The following NEBL variants were observed in gnomAD, a reference collection of about 807,000 sequenced individuals.
NEBL encodes nebulette, also known as LIM and SH3 protein 2.
A neutral mutation model predicts 140.2 loss-of-function variants in NEBL; 122 were observed. That is an observed-to-expected ratio of 0.87 (90% CI 0.75 to 1.01). NEBL has a LOEUF of 1.01. Ranked by LOEUF, NEBL falls within the 50% of genes least tolerant of loss-of-function variation. The pLI is 0.00. For missense variants in NEBL, 1,365 were observed against 1,231.3 expected (o/e 1.11, Z -1.62); for synonymous variants, 436 against 398.9 (o/e 1.09, Z -1.11).
chr10:20,894,513 G>T (rs996890906), intron 2 of NEBL, among the ~76,000 whole-genome samples: 1 of 150,718 alleles, frequency 6.6e-6, no homozygotes, highest in Non-Finnish European at 1.5e-5. Context: ...AAAAAAGGAA[G>T]AAAGAAAAGA....
chr10:20,847,784 C>T (rs1412401922), intron 11 of NEBL, among the ~76,000 whole-genome samples: 1 of 152,152 alleles, frequency 6.6e-6, no homozygotes, highest in Non-Finnish European at 1.5e-5. Flanking sequence ...AACCCATTTC[C>T]GTTTTGCCTC....
chr10:21,169,049 C>CAAAAA (rs147147865), intron 2 of NEBL, among the ~76,000 whole-genome samples: 31 of 25,498 alleles, frequency 1.2e-3, no homozygotes, highest in African/African-American at 2.9e-3. Flanking sequence ...ACTCCGTCTA[C>CAAAAA]AAAAAAAAAA....
chr10:21,197,298 A>G (rs1326992031), intron 3 of NEBL, among the ~76,000 whole-genome samples: 1 of 152,250 alleles, frequency 6.6e-6, no homozygotes, highest in Non-Finnish European at 1.5e-5. Flanking sequence ...CTCCACAGGT[A>G]ATCTTGATGG....
chr10:21,060,978 C>T (rs1287477558), intron 2 of NEBL, among the ~76,000 whole-genome samples: 1 of 151,982 alleles, frequency 6.6e-6, no homozygotes, highest in Non-Finnish European at 1.5e-5. Context: ...TGAACTGTGC[C>T]CCCGAGAAAG....
chr10:21,051,653 T>C (rs192232919), intron 2 of NEBL, among the ~76,000 whole-genome samples: 3 of 152,228 alleles, frequency 2.0e-5, no homozygotes, highest in East Asian at 3.9e-4. Context: ...AATTAAGTCA[T>C]TCCCTAACAA....
At chr10:20,787,964 T>C (rs1388488743) in intron 26 of NEBL, among the ~76,000 whole-genome samples, 1 of 152,170 alleles carries the variant, frequency 6.6e-6, no homozygotes, top group East Asian at 1.9e-4. Flanking sequence ...AGAAACCAAA[T>C]CCTTAAAGAA....
chr10:20,939,908 A>C (rs1372509532), intron 4 of NEBL, among the ~76,000 whole-genome samples: 1 of 152,190 alleles, frequency 6.6e-6, no homozygotes, highest in Non-Finnish European at 1.5e-5. Flanking sequence ...ATATGCACCC[A>C]ATACAGGAGC....
At chr10:21,028,775 TA>T (rs201150512) in intron 2 of NEBL, among the ~76,000 whole-genome samples, 2,182 of 144,812 alleles carry the variant, frequency 0.015, 57 homozygotes, top group East Asian at 0.1. Context: ...CAATATAATT[TA>T]AAAAAAAAAA....
chr10:20,800,939 C>A (rs1837062970), intron 26 of NEBL, among the ~76,000 whole-genome samples: 1 of 152,148 alleles, frequency 6.6e-6, no homozygotes, highest in Admixed American at 6.5e-5. Context: ...GTTTAAGTCT[C>A]CTACAGGATA....
chr10:21,010,502 C>A (rs1023633124), intron 3 of NEBL, among the ~76,000 whole-genome samples: 1 of 151,742 alleles, frequency 6.6e-6, no homozygotes, highest in Non-Finnish European at 1.5e-5. Flanking sequence ...CATCCTCCCA[C>A]CTCGAACTCC....
intron 2 of NEBL, among the ~76,000 whole-genome samples, chr10:21,047,664 G>A (rs1834582542): frequency 6.6e-6 from 1 of 152,108 alleles, no homozygotes; most frequent in Admixed American, 6.5e-5. Flanking sequence ...GGAGGTTTAT[G>A]AAAATCTGTG....
intron 2 of NEBL, among the ~76,000 whole-genome samples, chr10:21,075,199 C>T (rs963716916): frequency 4.6e-5 from 7 of 152,086 alleles, no homozygotes; most frequent in Admixed American, 1.3e-4. Context: ...GGCAAACCCA[C>T]GGTGGAAACA....
chr10:20,801,421 T>A (rs1261296022), intron 26 of NEBL, among the ~76,000 whole-genome samples: 2 of 152,040 alleles, frequency 1.3e-5, no homozygotes, highest in Non-Finnish European at 2.9e-5. Flanking sequence ...AGTCTCGAAC[T>A]CCTGACCTCA....
At chr10:21,036,904 A>C (rs1834037837) in intron 2 of NEBL, among the ~76,000 whole-genome samples, 1 of 152,114 alleles carries the variant, frequency 6.6e-6, no homozygotes, top group East Asian at 1.9e-4. Context: ...AATATTCTAA[A>C]GCTCTTGACC....
chr10:20,852,719 A>G, intron 9 of NEBL, 70 bp from the exon 10 acceptor site: 1 of 1,245,290 alleles, frequency 8.0e-7, no homozygotes, highest in Non-Finnish European at 1.1e-6. Flanking sequence ...ACTTAGAAAT[A>G]CAAACTGCAC....
chr10:21,113,843 A>G (rs1425653376), intron 2 of NEBL, among the ~76,000 whole-genome samples: 4 of 152,094 alleles, frequency 2.6e-5, no homozygotes, highest in Non-Finnish European at 5.9e-5. Flanking sequence ...TATTTTAATA[A>G]AGTAAAAAGA....
intron 3 of NEBL, among the ~76,000 whole-genome samples, chr10:20,987,595 C>A (rs759471703): frequency 6.6e-6 from 1 of 152,132 alleles, no homozygotes. Flanking sequence ...AGCATGGTGC[C>A]AATAGCTGTG....
At chr10:20,985,149 A>G (rs1156369243) in intron 3 of NEBL, among the ~76,000 whole-genome samples, 1 of 152,194 alleles carries the variant, frequency 6.6e-6, no homozygotes, top group African/African-American at 2.4e-5. Flanking sequence ...AATGTAATGT[A>G]CTTGAATTAT....
At position 20,942,497 on chromosome 10, in the gene NEBL, C is replaced by T. The variant is rs1293718264; in HGVS notation, c.357+19175G>A. Among the ~76,000 whole-genome samples the T allele has an allele frequency of 2.6e-5, 4 of 152,286 alleles. No individual in the cohort carries two copies. In the East Asian group the frequency reaches 5.8e-4, roughly 22 times the overall value. On this transcript the variant is annotated intron_variant, in intron 4 of 6. Transcript: ENST00000417816. The stretch of plus-strand genomic sequence containing the variant: ...AAACCATAAAAACCCTAGAAGAAAA[C>T]CTAGGGAATACCATTCAGGACATAG...
Sources: gnomAD v4.1 joint callset for allele counts (sites outside exome capture counted in the v4.1 genomes callset) on GRCh38, gnomAD v4.1.1 for gene constraint, MANE v1.5 for transcripts, NCBI Gene and HGNC (gene_info 2026-07-23, HGNC 2026-07-21) for gene names.